Variants in CHST11 observed in about 807,000 individuals in gnomAD.
CHST11 encodes the protein C4S-1.
In CHST11, 9 loss-of-function variants were observed where a neutral mutation model predicts 30.4. That is an observed-to-expected ratio of 0.30 (90% CI 0.18 to 0.52). The LOEUF (loss-of-function observed/expected upper bound fraction) is 0.52. Among genes scored for constraint, CHST11 ranks in the 20% least tolerant of loss-of-function variants. The pLI is 0.97. For synonymous variants in CHST11, 152 were observed against 187.8 expected (o/e 0.81, Z 1.56); for missense variants, 348 against 460.6 (o/e 0.76, Z 2.24).
intron 1 of CHST11, among the ~76,000 whole-genome samples, chr12:104,538,961 A>G (rs1039128656): frequency 6.6e-6 from 1 of 152,232 alleles, no homozygotes; most frequent in Admixed American, 6.5e-5. Context: ...CGACAATCCT[A>G]TAAAGCAGTC....
chr12:104,682,362 C>A (rs181047880), intron 2 of CHST11, among the ~76,000 whole-genome samples: 11 of 152,282 alleles, frequency 7.2e-5, no homozygotes, highest in African/African-American at 2.6e-4. Context: ...TCTGGCCAAC[C>A]GCCACAAACT....
intron 1 of CHST11, among the ~76,000 whole-genome samples, chr12:104,519,210 G>A (rs2038054627): frequency 6.6e-6 from 1 of 151,930 alleles, no homozygotes; most frequent in East Asian, 1.9e-4. Context: ...TGCACTAATT[G>A]TATTTGATTA....
At chr12:104,585,868 C>T (rs922610354) in intron 1 of CHST11, among the ~76,000 whole-genome samples, 15 of 152,132 alleles carry the variant, frequency 9.9e-5, no homozygotes, top group African/African-American at 3.6e-4. Flanking sequence ...CTAGGCATGT[C>T]CTGGCCTGTA....
intron 1 of CHST11, among the ~76,000 whole-genome samples, chr12:104,582,133 G>T (rs939207092): frequency 6.6e-6 from 1 of 152,202 alleles, no homozygotes; most frequent in Non-Finnish European, 1.5e-5. Context: ...CCTGAGAGTT[G>T]TGGCAGCCAA....
intron 1 of CHST11, among the ~76,000 whole-genome samples, chr12:104,505,574 C>T (rs11609491): frequency 0.31 from 47,552 of 152,070 alleles, 7,680 homozygotes; most frequent in Admixed American, 0.34. Flanking sequence ...CAGAGTGACT[C>T]AGGAGTGGGT....
intron 2 of CHST11, among the ~76,000 whole-genome samples, chr12:104,675,298 T>A (rs752574833): frequency 5.0e-4 from 76 of 152,368 alleles, no homozygotes; most frequent in Middle Eastern, 3.4e-3. Context: ...TACTTCAGCT[T>A]CTGTTATGCT....
intron 2 of CHST11, among the ~76,000 whole-genome samples, chr12:104,670,617 A>G (rs2039685368): frequency 6.7e-6 from 1 of 148,666 alleles, no homozygotes; most frequent in Non-Finnish European, 1.5e-5. Flanking sequence ...ACACATCCAT[A>G]CACACGCACT....
chr12:104,605,803 C>T (rs921326333), intron 2 of CHST11, among the ~76,000 whole-genome samples: 2 of 152,140 alleles, frequency 1.3e-5, no homozygotes, highest in Non-Finnish European at 2.9e-5. Context: ...AGTTCAGAGG[C>T]ACAGGGCAGA....
chr12:104,700,471 C>T (rs921989895), intron 2 of CHST11, among the ~76,000 whole-genome samples: 3 of 152,200 alleles, frequency 2.0e-5, no homozygotes, highest in Admixed American at 1.3e-4. Context: ...ATCCAATCAT[C>T]TAGGCTCATA....
Position 104,729,298 on chromosome 12 carries a change from G to C in CHST11, c.205-27651G>C, listed in dbSNP as rs186551402. ...CTACAGCTTCCTCCCCTGTGAAATCGTGCTTCCTGTCCTGACCATCTTATC... is the reference window on the plus strand; with the variant it reads ...CTACAGCTTCCTCCCCTGTGAAATCCTGCTTCCTGTCCTGACCATCTTATC... On this transcript the variant is annotated intron_variant, in intron 2 of 2. Transcript: ENST00000303694. This position sits in a 1 kb window ranked among gnomAD's most constrained non-coding sequence, Gnocchi z 4.0. Among the ~76,000 whole-genome samples the C allele has an allele frequency of 2.6e-5, 4 of 152,270 alleles. No individual in the cohort carries two copies. The East Asian group carries it at 7.7e-4, about 29-fold the overall frequency.
Position 104,600,282 on chromosome 12 carries a change from A to G in CHST11, c.119-1624A>G, listed in dbSNP as rs1413168712. ...ACTCTCCTCCCTTTCCTGACCTCAG[A>G]TTGACTTCTAAGCAGAGGTCCCTGG... On this transcript the variant is annotated intron_variant, in intron 1 of 2. Coordinates refer to ENST00000303694, the MANE Select transcript of CHST11 (RefSeq NM_018413.6). The surrounding 1 kb of genome is among the most constrained non-coding windows in gnomAD (Gnocchi z 4.1). Among the ~76,000 whole-genome samples the G allele has an allele frequency of 6.6e-6, 1 of 152,028 alleles. No homozygotes were observed. Among genetic ancestry groups the G allele is most frequent in the Non-Finnish European group, 1.5e-5 (1 of 67,990 alleles).
At chr12:104,670,753 C>T (rs1018713451) in intron 2 of CHST11, among the ~76,000 whole-genome samples, 1 of 151,052 alleles carries the variant, frequency 6.6e-6, no homozygotes, top group African/African-American at 2.4e-5. Context: ...ACATACCCCT[C>T]ACATACACAA....
intron 1 of CHST11, among the ~76,000 whole-genome samples, chr12:104,470,387 A>G (rs2037496762): frequency 6.6e-6 from 1 of 152,178 alleles, no homozygotes; most frequent in Non-Finnish European, 1.5e-5. Flanking sequence ...AATACCAGAC[A>G]CTGATAAAGC....
chr12:104,723,048 G>A (rs996288064), intron 2 of CHST11, among the ~76,000 whole-genome samples: 2 of 152,116 alleles, frequency 1.3e-5, no homozygotes, highest in African/African-American at 4.8e-5. Flanking sequence ...ACAGGAGCCT[G>A]ACATGCCTGG....
At chr12:104,576,467 A>C (rs1454479791) in intron 1 of CHST11, among the ~76,000 whole-genome samples, 1 of 152,178 alleles carries the variant, frequency 6.6e-6, no homozygotes, top group Non-Finnish European at 1.5e-5. Flanking sequence ...TCCACTAGAA[A>C]GGGAAAGGTG....
chr12:104,478,480 A>G (rs1259574787), intron 1 of CHST11, among the ~76,000 whole-genome samples: 2 of 152,056 alleles, frequency 1.3e-5, no homozygotes, highest in Non-Finnish European at 2.9e-5. Context: ...AGTCTCTTTT[A>G]TGTACACCCT....
chr12:104,528,995 G>A (rs1173890181), intron 1 of CHST11, among the ~76,000 whole-genome samples: 3 of 152,226 alleles, frequency 2.0e-5, no homozygotes, highest in Non-Finnish European at 4.4e-5. Flanking sequence ...GTCTAGTGTA[G>A]AGAGAGCTGG....
chr12:104,678,485 T>C (rs2039763675), intron 2 of CHST11, among the ~76,000 whole-genome samples: 1 of 152,262 alleles, frequency 6.6e-6, no homozygotes, highest in Admixed American at 6.5e-5. Context: ...ATGTTTTGCA[T>C]GATTTAATTC....
At chr12:104,589,179 T>G (rs764104371) in intron 1 of CHST11, among the ~76,000 whole-genome samples, 19 of 151,802 alleles carry the variant, frequency 1.3e-4, no homozygotes, top group Non-Finnish European at 1.2e-4. Flanking sequence ...GTGGGTGGAT[T>G]GCTTGAGTCC....
Sources: gnomAD v4.1 joint callset for allele counts (sites outside exome capture counted in the v4.1 genomes callset) on GRCh38, gnomAD v4.1.1 for gene constraint, Gnocchi (gnomAD v3.1) non-coding constraint, MANE v1.5 for transcripts, NCBI Gene and HGNC (gene_info 2026-07-23, HGNC 2026-07-21) for gene names.